TBCK: variants seen among roughly 807,000 people sequenced by gnomAD.
TBCK encodes TBC domain-containing protein kinase-like protein.
Under a neutral mutation model 113.4 loss-of-function variants are expected in TBCK, and 99 were observed. The ratio of observed to expected loss-of-function variants is 0.87; its 90% CI spans 0.74 to 1.03. TBCK has a LOEUF of 1.03. Among genes scored for constraint, TBCK ranks in the 50% least tolerant of loss-of-function variants. TBCK has a pLI of 0.00. For synonymous variants in TBCK, 369 were observed against 370.8 expected (o/e 1.00, Z 0.05); for missense variants, 1,045 against 1,061.3 (o/e 0.98, Z 0.21).
chr4:106,316,533 G>C (rs546179277), upstream of TBCK: 1 of 1,551,434 alleles, frequency 6.4e-7, no homozygotes, highest in Non-Finnish European at 8.7e-7. Context: ...ATAGTACGCG[G>C]GTGGCTGGAC....
intron 20 of TBCK, among the ~76,000 whole-genome samples, chr4:106,200,054 A>T (rs1445855017): frequency 3.3e-5 from 5 of 152,102 alleles, no homozygotes; most frequent in African/African-American, 1.2e-4. Context: ...TACCTATTTG[A>T]CCTTATCTTC....
intron 23 of TBCK, chr4:106,163,433 T>G (rs1043072009): frequency 2.6e-5 from 4 of 152,396 alleles, no homozygotes; most frequent in African/African-American, 7.2e-5. Flanking sequence ...TTCCACATTT[T>G]CGGTATCCTT....
chr4:106,221,968 T>TA (rs1383556487), intron 19 of TBCK, among the ~76,000 whole-genome samples: 5 of 151,842 alleles, frequency 3.3e-5, no homozygotes, highest in African/African-American at 7.2e-5. Context: ...ATCTAAAAGT[T>TA]AAAAAAAATC....
intron 25 of TBCK, among the ~76,000 whole-genome samples, chr4:106,077,870 G>A (rs1381701442): frequency 6.6e-6 from 1 of 152,040 alleles, no homozygotes; most frequent in Non-Finnish European, 1.5e-5. Flanking sequence ...ATCTGCACAT[G>A]GCACATACTT....
chr4:106,206,629 CTT>C (rs1755533888), intron 20 of TBCK, among the ~76,000 whole-genome samples: 1 of 152,058 alleles, frequency 6.6e-6, no homozygotes, highest in South Asian at 2.1e-4. Flanking sequence ...GTAATTACAT[CTT>C]GATAAAATCT....
intron 23 of TBCK, among the ~76,000 whole-genome samples, chr4:106,123,653 A>C (rs1172721881): frequency 6.6e-6 from 1 of 151,460 alleles, no homozygotes; most frequent in African/African-American, 2.4e-5. Flanking sequence ...CAAAAGAGAG[A>C]TATAGATCAA....
At chr4:106,311,817 G>C (rs1315373688) in intron 1 of TBCK, among the ~76,000 whole-genome samples, 1 of 151,996 alleles carries the variant, frequency 6.6e-6, no homozygotes, top group Non-Finnish European at 1.5e-5. Context: ...AAAAGCAAAA[G>C]AGTTCAACAG....
intron 24 of TBCK, among the ~76,000 whole-genome samples, chr4:106,097,322 T>C (rs1741043949): frequency 6.6e-6 from 1 of 152,180 alleles, no homozygotes; most frequent in Non-Finnish European, 1.5e-5. Flanking sequence ...ACTTTCCTTA[T>C]TCTTAATCTA....
At chr4:106,289,232 G>A (rs1371078939) in intron 3 of TBCK, among the ~76,000 whole-genome samples, 1 of 152,168 alleles carries the variant, frequency 6.6e-6, no homozygotes, top group South Asian at 2.1e-4. Flanking sequence ...CCTAGACAGA[G>A]CTGGGACTAG....
intron 3 of TBCK, among the ~76,000 whole-genome samples, chr4:106,272,830 A>G (rs1407204054): frequency 6.6e-6 from 1 of 152,114 alleles, no homozygotes; most frequent in Non-Finnish European, 1.5e-5. Flanking sequence ...GGTATTTTGC[A>G]TATAGCAAAG....
chr4:106,281,323 C>G (rs1415611193), intron 3 of TBCK, among the ~76,000 whole-genome samples: 1 of 150,278 alleles, frequency 6.7e-6, no homozygotes, highest in African/African-American at 2.5e-5. Context: ...TTGGTGTAGT[C>G]TTTAGTTTTC....
Position 106,042,173 on chromosome 4 carries a change from A to G in TBCK, c.*4397T>C, listed in dbSNP as rs2149434267. The G allele has an allele frequency of 6.6e-6, 1 of 152,330 alleles. No individual in the cohort carries two copies. Among genetic ancestry groups the G allele is most frequent in the Non-Finnish European group, 1.5e-5 (1 of 68,036 alleles). 9.4% of individuals were successfully genotyped at this position (152,330 alleles called of 1,614,324 possible). A position where few individuals can be genotyped will look rare whatever the true frequency, so the allele number is the denominator to read the frequency against. On this transcript the variant is annotated 3_prime_UTR_variant, in exon 26 of 26. Transcript: ENST00000394708. The stretch of plus-strand genomic sequence containing the variant: ...ACCATTTTGCTTCCAATCTGATTTA[A>G]TCAACATTTATCAAGAAAAATGCAT...
chr4:106,107,024 C>T (rs1382450990), intron 24 of TBCK, among the ~76,000 whole-genome samples: 1 of 141,044 alleles, frequency 7.1e-6, no homozygotes, highest in African/African-American at 2.6e-5. Context: ...AAACCAACAA[C>T]GATTTAAAAA....
At chr4:106,144,220 G>A (rs1187576790) in intron 23 of TBCK, among the ~76,000 whole-genome samples, 1 of 152,168 alleles carries the variant, frequency 6.6e-6, no homozygotes, top group Non-Finnish European at 1.5e-5. Flanking sequence ...ATTTGGAACT[G>A]ATATACTGTG....
intron 5 of TBCK, chr4:106,254,800 G>A (rs2150074784): frequency 6.6e-6 from 1 of 152,152 alleles, no homozygotes; most frequent in Admixed American, 6.6e-5. Context: ...ACATACATAG[G>A]TTTGTTTCTT....
intron 23 of TBCK, among the ~76,000 whole-genome samples, chr4:106,167,242 G>A (rs1455370834): frequency 3.4e-5 from 5 of 146,846 alleles, no homozygotes; most frequent in African/African-American, 5.0e-5. Context: ...GGTTGAATTC[G>A]CTACAAGCTA....
At chr4:106,256,864 G>A (rs745943974) in intron 5 of TBCK, among the ~76,000 whole-genome samples, 23 of 151,934 alleles carry the variant, frequency 1.5e-4, no homozygotes, top group Non-Finnish European at 2.9e-4. Context: ...GCTATACATG[G>A]TATGATGCTA....
At chr4:106,288,693 T>C (rs558043193) in intron 3 of TBCK, among the ~76,000 whole-genome samples, 228 of 152,320 alleles carry the variant, frequency 1.5e-3, no homozygotes, top group Non-Finnish European at 2.6e-3. Context: ...TTAATCCACA[T>C]GTTGTGGGTA....
intron 25 of TBCK, among the ~76,000 whole-genome samples, chr4:106,090,655 C>A (rs1382565631): frequency 6.6e-6 from 1 of 152,096 alleles, no homozygotes; most frequent in Non-Finnish European, 1.5e-5. Context: ...AGAAGCCATA[C>A]CACTTCTTGA....
Sources: allele counts gnomAD v4.1 joint callset (sites outside exome capture counted in the v4.1 genomes callset), GRCh38; gene constraint gnomAD v4.1.1; transcripts MANE v1.5; gene names NCBI Gene and HGNC (gene_info 2026-07-23, HGNC 2026-07-21).